The following WDPCP variants were observed in gnomAD, a reference collection of about 807,000 sequenced individuals.
WDPCP encodes the protein WD repeat containing planar cell polarity effector.
WDPCP carries 71 observed loss-of-function variants against 93.1 expected under a neutral mutation model. The observed-to-expected ratio is 0.76, with a 90% CI of 0.63 to 0.93. The LOEUF is 0.93. WDPCP is among the 40% of genes least tolerant of loss of function. The pLI, the probability that WDPCP is intolerant of heterozygous loss-of-function variation, is 0.00. For missense variants in WDPCP, 844 were observed against 887.4 expected, an observed-to-expected ratio of 0.95 and a Z score of 0.62; for synonymous variants, 315 against 315.0, an observed-to-expected ratio of 1.00 and a Z score of 0.00.
At chr2:63,822,365 T>C (rs1397729337) in intron 1 of WDPCP, among the ~76,000 whole-genome samples, 2 of 152,166 alleles carry the variant, frequency 1.3e-5, no homozygotes, top group Non-Finnish European at 2.9e-5. Flanking sequence ...ATGTTACCTA[T>C]TTATTATGAC....
intron 2 of WDPCP, among the ~76,000 whole-genome samples, chr2:63,487,989 T>G (rs1408952653): frequency 3.3e-5 from 5 of 152,072 alleles, no homozygotes; most frequent in Non-Finnish European, 7.4e-5. Flanking sequence ...TAGAGGAACG[T>G]TTGGATACAT....
chr2:63,561,805 C>CA (rs1706650050), intron 1 of WDPCP, among the ~76,000 whole-genome samples: 1 of 152,160 alleles, frequency 6.6e-6, no homozygotes, highest in Admixed American at 6.5e-5. Context: ...AAATGCAAAT[C>CA]AAAACCACAA....
chr2:63,414,493 A>ACACG (rs1169023600), intron 9 of WDPCP, among the ~76,000 whole-genome samples: 1 of 151,916 alleles, frequency 6.6e-6, no homozygotes, highest in Non-Finnish European at 1.5e-5. Context: ...ACACACACAC[A>ACACG]CACATATATA....
exon 1 of WDPCP, chr2:63,827,718 C>G (rs904811798): frequency 6.6e-6 from 1 of 152,188 alleles, no homozygotes; most frequent in African/African-American, 2.4e-5. Flanking sequence ...CTCCACTACG[C>G]TGGCTTCATT....
At chr2:63,588,811 GA>G (rs545957522), upstream of WDPCP, 54 of 597,572 alleles carry the variant, frequency 9.0e-5, no homozygotes, top group Middle Eastern at 4.5e-4. Context: ...AGAAGAGCTT[GA>G]AAAAAACCTC....
At chr2:63,449,228 A>T in intron 6 of WDPCP, among the ~76,000 whole-genome samples, 1 of 152,206 alleles carries the variant, frequency 6.6e-6, no homozygotes, top group South Asian at 2.1e-4. Context: ...AATATTTGAT[A>T]ACCTCTCTCC....
At chr2:63,138,249 C>T (rs1670784350) in intron 17 of WDPCP, among the ~76,000 whole-genome samples, 1 of 152,028 alleles carries the variant, frequency 6.6e-6, no homozygotes, top group Non-Finnish European at 1.5e-5. Flanking sequence ...GAGTGAATTA[C>T]AGTTCACATT....
chr2:63,349,193 G>T (rs534337964), intron 12 of WDPCP, among the ~76,000 whole-genome samples: 9 of 150,656 alleles, frequency 6.0e-5, no homozygotes, highest in Non-Finnish European at 1.2e-4. Context: ...AAAGTTCCTG[G>T]TTTTTTTTTC....
At chr2:63,469,108 G>A (rs1267490247) in intron 6 of WDPCP, among the ~76,000 whole-genome samples, 1 of 151,068 alleles carries the variant, frequency 6.6e-6, no homozygotes, top group Non-Finnish European at 1.5e-5. Flanking sequence ...GCTCAATATC[G>A]CTGAGCATTA....
At chr2:63,742,886 C>T (rs80161206) in intron 2 of WDPCP, among the ~76,000 whole-genome samples, 1,925 of 151,636 alleles carry the variant, frequency 0.013, 38 homozygotes, top group African/African-American at 0.045. Flanking sequence ...TTTAAGGGTG[C>T]TATAATTGAA....
intron 17 of WDPCP, among the ~76,000 whole-genome samples, chr2:63,132,328 G>C (rs952516590): frequency 6.6e-6 from 1 of 151,208 alleles, no homozygotes; most frequent in Non-Finnish European, 1.5e-5. Flanking sequence ...TGTCTCTTTG[G>C]GTTTATTATA....
chr2:63,210,642 C>T (rs567739766), intron 14 of WDPCP, among the ~76,000 whole-genome samples: 33 of 152,194 alleles, frequency 2.2e-4, no homozygotes, highest in South Asian at 8.3e-4. Flanking sequence ...GACTGTGAGC[C>T]GAGGAAGGGC....
chr2:63,646,711 A>G (rs1710054897), intron 3 of WDPCP, among the ~76,000 whole-genome samples: 1 of 152,144 alleles, frequency 6.6e-6, no homozygotes, highest in Non-Finnish European at 1.5e-5. Context: ...TTCCTTCAGC[A>G]TTTTAAATAT....
intron 2 of WDPCP, among the ~76,000 whole-genome samples, chr2:63,777,202 G>A (rs6751397): frequency 0.05 from 7,676 of 152,088 alleles, 357 homozygotes; most frequent in African/African-American, 0.11. Context: ...TAATTATTAT[G>A]TGTCCATTAA....
intron 3 of WDPCP, chr2:63,622,461 G>A (rs1403858629): frequency 3.1e-6 from 5 of 1,613,976 alleles, no homozygotes; most frequent in Non-Finnish European, 4.2e-6. Flanking sequence ...GCGGATTTCA[G>A]TCCAGCCGCT....
In WDPCP at chr2:63,382,035, C is replaced by T; in HGVS notation, c.1495G>A (p.Asp499Asn). The change falls in exon 11 of 18, where the codon GAT (aspartate) becomes AAT (asparagine). Residue 499 changes from aspartate (D) to asparagine (N), a missense_variant. Transcript: ENST00000272321. ...ATGTTTATTGCCTCATAGATCTCAT[C>T]ACAGTGAATGTACTGGAAGATGATG... The part of the protein sequence containing the change: ...IDIIFQYIHC[D>N]EIYEAINILS... 1 of 1,613,390 alleles carries T rather than the reference C, an allele frequency of 6.2e-7. No individual in the cohort carries two copies.
intron 9 of WDPCP, among the ~76,000 whole-genome samples, chr2:63,419,266 C>T (rs866505191): frequency 3.3e-5 from 5 of 152,206 alleles, no homozygotes; most frequent in Admixed American, 3.3e-4. Flanking sequence ...CTCAGCCTCC[C>T]GAGTAGCTGG....
intron 14 of WDPCP, among the ~76,000 whole-genome samples, chr2:63,191,386 C>T (rs2104228139): frequency 6.6e-6 from 1 of 151,628 alleles, no homozygotes; most frequent in South Asian, 2.1e-4. Flanking sequence ...AGCCAGACTC[C>T]ATCTCAAAAG....
chr2:63,198,747 T>A (rs1243673071), intron 14 of WDPCP, among the ~76,000 whole-genome samples: 1 of 152,182 alleles, frequency 6.6e-6, no homozygotes, highest in African/African-American at 2.4e-5. Flanking sequence ...TATAGCAGTG[T>A]GAGAAAGGAC....
Sources: gnomAD v4.1 joint callset for allele counts (sites outside exome capture counted in the v4.1 genomes callset) on GRCh38, gnomAD v4.1.1 for gene constraint, MANE v1.5 for transcripts, NCBI Gene and HGNC (gene_info 2026-07-23, HGNC 2026-07-21) for gene names.